Variants in CREB3L2 observed in about 807,000 individuals in gnomAD.
CREB3L2 encodes cyclic AMP-responsive element-binding protein 3-like protein 2.
A neutral mutation model predicts 57.2 loss-of-function variants in CREB3L2; 23 were observed. The observed-to-expected ratio is 0.40, with a 90% confidence interval of 0.29 to 0.57. The LOEUF is 0.57. Among genes scored for constraint, CREB3L2 ranks in the 20% least tolerant of loss-of-function variants. The pLI is 0.42. For synonymous variants in CREB3L2, 268 were observed against 265.1 expected (o/e 1.01, Z -0.11); for missense variants, 628 against 634.7 (o/e 0.99, Z 0.11).
chr7:137,889,697 T>A (rs1280843827), intron 8 of CREB3L2, among the ~76,000 whole-genome samples: 3 of 152,170 alleles, frequency 2.0e-5, no homozygotes, highest in Non-Finnish European at 4.4e-5. Context: ...CACTGAGGCA[T>A]TTCGCTCAGT....
At chr7:137,976,861 G>A (rs1801616102) in intron 1 of CREB3L2, among the ~76,000 whole-genome samples, 1 of 152,240 alleles carries the variant, frequency 6.6e-6, no homozygotes, top group African/African-American at 2.4e-5. Context: ...GACAGTGGGA[G>A]AGGCCAGTGG....
chr7:137,969,922 T>A lies in CREB3L2; in HGVS notation c.102+31682A>T, dbSNP rs1196263221. Among the ~76,000 whole-genome samples the A allele has an allele frequency of 7.9e-5, 12 of 152,152 alleles. 1 individual carries two copies. Among genetic ancestry groups the A allele is most frequent in the Admixed American group, 7.9e-4 (12 of 15,270 alleles). On this transcript the variant is annotated intron_variant, in intron 1 of 11. Transcript: ENST00000330387. ...ACAACCTTTCTCAGGTTTGAACTTT[T>A]TCAAAATAAAAAAGAAAAGAAATTA...
At chr7:137,898,301 A>G (rs949030906) in intron 8 of CREB3L2, among the ~76,000 whole-genome samples, 7 of 152,216 alleles carry the variant, frequency 4.6e-5, no homozygotes, top group African/African-American at 1.4e-4. Context: ...ACCCTTCCAC[A>G]CTGTTAGTGG....
intron 8 of CREB3L2, among the ~76,000 whole-genome samples, chr7:137,898,189 G>C (rs1372600589): frequency 6.6e-6 from 1 of 152,160 alleles, no homozygotes; most frequent in Non-Finnish European, 1.5e-5. Context: ...TCAGAGAAAC[G>C]TAAATCAAAA....
At chr7:137,922,435 T>TAC (rs1442825422) in intron 2 of CREB3L2, among the ~76,000 whole-genome samples, 4 of 47,182 alleles carry the variant, frequency 8.5e-5, no homozygotes, top group African/African-American at 7.9e-4. Context: ...TATATATATA[T>TAC]ACGTATATAT....
At chr7:137,946,987 G>A (rs1221167377) in intron 1 of CREB3L2, among the ~76,000 whole-genome samples, 1 of 109,328 alleles carries the variant, frequency 9.1e-6, no homozygotes, top group Non-Finnish European at 1.8e-5. Context: ...TATATATATA[G>A]TTATATATAT....
chr7:137,952,851 CTT>C (rs1196608766), intron 1 of CREB3L2, among the ~76,000 whole-genome samples: 1 of 152,124 alleles, frequency 6.6e-6, no homozygotes, highest in Non-Finnish European at 1.5e-5. Flanking sequence ...CTCTCTCACT[CTT>C]GTCAACTAGG....
intron 10 of CREB3L2, 68 bp from the exon 11 acceptor site, chr7:137,882,696 C>T: frequency 4.6e-6 from 5 of 1,094,192 alleles, no homozygotes; most frequent in Non-Finnish European, 6.5e-6. Flanking sequence ...TCCCTCACTC[C>T]AGGTGCTCAG....
chr7:137,974,653 T>G (rs1453737564), intron 1 of CREB3L2, among the ~76,000 whole-genome samples: 1 of 152,180 alleles, frequency 6.6e-6, no homozygotes. Context: ...TCAGTTCTAA[T>G]GAGGTGACCA....
chr7:137,960,480 G>A (rs562245809), intron 1 of CREB3L2, among the ~76,000 whole-genome samples: 78 of 152,240 alleles, frequency 5.1e-4, no homozygotes, highest in African/African-American at 1.7e-3. Context: ...CTCAAATTCC[G>A]TCAAAAGAGA....
intron 1 of CREB3L2, among the ~76,000 whole-genome samples, chr7:137,933,490 G>A (rs114054803): frequency 2.3e-3 from 351 of 152,290 alleles, no homozygotes; most frequent in African/African-American, 8.1e-3. Flanking sequence ...AATAATAAAC[G>A]TTCTCTAACT....
At chr7:137,899,760 A>G (rs1478062766) in intron 8 of CREB3L2, among the ~76,000 whole-genome samples, 1 of 152,228 alleles carries the variant, frequency 6.6e-6, no homozygotes, top group Non-Finnish European at 1.5e-5. Context: ...ACACATTCCC[A>G]GAAATGCAGA....
intron 1 of CREB3L2, among the ~76,000 whole-genome samples, chr7:137,956,110 GA>G (rs2117278670): frequency 6.6e-6 from 1 of 152,326 alleles, no homozygotes; most frequent in South Asian, 2.1e-4. Flanking sequence ...TGGCAAGACA[GA>G]ACCATCAGTT....
chr7:137,895,463 G>A (rs1451512457), intron 8 of CREB3L2, among the ~76,000 whole-genome samples: 3 of 152,176 alleles, frequency 2.0e-5, no homozygotes, highest in Non-Finnish European at 4.4e-5. Context: ...GTGTGAAGGT[G>A]CTTTCGCACC....
intron 1 of CREB3L2, among the ~76,000 whole-genome samples, chr7:137,956,292 T>C (rs1012259091): frequency 1.1e-4 from 16 of 152,226 alleles, no homozygotes; most frequent in Non-Finnish European, 1.9e-4. Flanking sequence ...AACATTTTCA[T>C]TATAGAGCAT....
chr7:137,953,402 C>T (rs910940419), intron 1 of CREB3L2: 4 of 1,142,174 alleles, frequency 3.5e-6, no homozygotes, highest in Middle Eastern at 2.3e-4. Flanking sequence ...CCACTCCAGT[C>T]TAGCTGAGGC....
At chr7:137,888,311 TACTC>T (rs1461180957) in intron 8 of CREB3L2, among the ~76,000 whole-genome samples, 1 of 149,518 alleles carries the variant, frequency 6.7e-6, no homozygotes. Flanking sequence ...TGCTGAGAAA[TACTC>T]AACAGCATAA....
intron 1 of CREB3L2, among the ~76,000 whole-genome samples, chr7:137,972,771 A>C (rs1801540440): frequency 7.7e-6 from 1 of 130,530 alleles, no homozygotes; most frequent in African/African-American, 2.9e-5. Flanking sequence ...AGAGAGAGAG[A>C]AAAGAAAAAG....
At position 137,876,429 on chromosome 7, in the gene CREB3L2, T is replaced by G; in HGVS notation, c.*4047A>C. 1 of 232,596 alleles carries G rather than the reference T, an allele frequency of 4.3e-6. No homozygotes were observed. Among genetic ancestry groups the G allele is most frequent in the East Asian group, 6.0e-5 (1 of 16,544 alleles). 14.4% of individuals were successfully genotyped at this position (232,596 alleles called of 1,614,324 possible). A position where few individuals can be genotyped will look rare whatever the true frequency, so the allele number is the denominator to read the frequency against. On this transcript the variant is annotated 3_prime_UTR_variant, in exon 12 of 12. Coordinates refer to ENST00000330387, the MANE Select transcript of CREB3L2 (RefSeq NM_194071.4). ...TTTGGGTCTTTTGAATAACTATTAT[T>G]AATGTTTCCTCAATCCCTTCTATTC... is the stretch of plus-strand genomic sequence containing the variant.
Sources: gnomAD v4.1 joint callset for allele counts (sites outside exome capture counted in the v4.1 genomes callset) on GRCh38, gnomAD v4.1.1 for gene constraint, MANE v1.5 for transcripts, NCBI Gene and HGNC (gene_info 2026-07-23, HGNC 2026-07-21) for gene names.